NEK9: variants seen among roughly 807,000 people sequenced by gnomAD.
The protein encoded by NEK9 is NIMA related kinase 9, also known as serine/threonine-protein kinase Nek9.
Under a neutral mutation model 123.4 loss-of-function variants are expected in NEK9, and 75 were observed. The observed-to-expected ratio is 0.61, with a 90% CI of 0.50 to 0.74. The LOEUF is 0.74. NEK9 is among the 30% of genes least tolerant of loss of function. The pLI is 0.00. For missense variants in NEK9, 952 were observed against 1,214.4 expected (o/e 0.78, Z 3.21); for synonymous variants, 438 against 458.7 (o/e 0.95, Z 0.58).
At chr14:75,100,306 T>TGTG (rs1894531878) in intron 16 of NEK9, among the ~76,000 whole-genome samples, 1 of 149,940 alleles carries the variant, frequency 6.7e-6, no homozygotes, top group Non-Finnish European at 1.5e-5. Flanking sequence ...ATTAGCCGAG[T>TGTG]ATGGTGGCGC....
At chr14:75,123,921 T>G in intron 2 of NEK9, 125 bp downstream of exon 2, 1 of 837,066 alleles carries the variant, frequency 1.2e-6, no homozygotes, top group East Asian at 2.6e-5. Context: ...AAAGTTTCTC[T>G]TAAACTCTAG....
intron 2 of NEK9, among the ~76,000 whole-genome samples, chr14:75,122,327 A>C (rs1895365618): frequency 1.3e-5 from 2 of 152,252 alleles, no homozygotes; most frequent in South Asian, 4.1e-4. Flanking sequence ...ACAAGAGTTT[A>C]CACAAGGAAG....
rs1009879900 is a variant in NEK9, at chr14:75,103,991, C to T, written c.1582G>A (p.Val528Ile). The T allele has an allele frequency of 6.2e-7, 1 of 1,601,592 alleles. No individual in the cohort carries two copies. The highest frequency in any genetic ancestry group is 8.5e-7 in the Non-Finnish European group (1 of 1,176,800). ...EDYYTPQKVD[V>I]PKALIIVAVQ... The stretch of plus-strand genomic sequence containing the variant: ...GCAACAATAATCAAGGCCTTGGGAA[C>T]ATCCACCTGCAAGAAAAAAATCAGA... Residue 528 changes from valine (V) to isoleucine (I), a missense_variant, in exon 14 of 22, where the codon GTT becomes ATT. Val to Ile is a conservative substitution (Grantham distance 29, BLOSUM62 3). This residue lies in a region of NEK9 where 698 missense variants were observed against 875.6 expected (regional missense o/e 0.80). Transcript: ENST00000238616.
Position 75,091,330 on chromosome 14 carries a change from G to A in NEK9, c.2382C>T (p.Pro794=), listed in dbSNP as rs772972034. 11 of 1,614,008 alleles carry A rather than the reference G, an allele frequency of 6.8e-6. No homozygotes were observed. Among genetic ancestry groups the A allele is most frequent in the Non-Finnish European group, 8.5e-6 (10 of 1,179,968 alleles). The change falls in exon 19 of 22, where the codon CCC becomes CCT. Residue 794 remains proline (P), a synonymous_variant. Coordinates refer to ENST00000238616, the MANE Select transcript of NEK9 (RefSeq NM_033116.6). The part of the protein sequence containing the change: ...ADRGMEGLIS[P]TEAMGNSNGA... ...CATTACTGTTCCCCATGGCCTCTGT[G>A]GGACTGATTAAACCTTCCATTCCTC...
chr14:75,120,903 C>T (rs914702995), intron 3 of NEK9: 2 of 647,954 alleles, frequency 3.1e-6, no homozygotes, highest in Non-Finnish European at 5.6e-6. Flanking sequence ...GGAAAGAAAG[C>T]CCACAGAGAA....
intron 18 of NEK9, 143 bp downstream of exon 18, chr14:75,095,229 A>G: frequency 1.7e-6 from 1 of 578,438 alleles, no homozygotes; most frequent in Non-Finnish European, 3.1e-6. Context: ...ACCAAACAAA[A>G]TATGATCTTC....
intron 21 of NEK9, 102 bp downstream of exon 21, chr14:75,086,916 A>T: frequency 8.2e-7 from 1 of 1,225,888 alleles, no homozygotes; most frequent in Non-Finnish European, 1.2e-6. Context: ...AAAAAAAAGT[A>T]AGGACCTGCA....
At chr14:75,102,383 T>G (rs574420610) in intron 14 of NEK9, among the ~76,000 whole-genome samples, 156 of 152,336 alleles carry the variant, frequency 1.0e-3, no homozygotes, top group African/African-American at 3.5e-3. Flanking sequence ...AGTCTTGCTT[T>G]GTCGCCCAGG....
intron 19 of NEK9, 57 bp downstream of exon 19, chr14:75,091,213 C>T (rs965168866): frequency 6.9e-7 from 1 of 1,441,928 alleles, no homozygotes; most frequent in South Asian, 1.3e-5. Context: ...ACAGCTCTTT[C>T]TAGTTCCTGC....
In NEK9 at chr14:75,084,422, C is replaced by T; in HGVS notation, c.*142G>A. The stretch of plus-strand genomic sequence containing the variant: ...AAGGCAATGCCACTCTCCAAATGTA[C>T]AAGGAAAGTGCTTCAGAGCCTCTGC... On this transcript the variant is annotated 3_prime_UTR_variant, in exon 22 of 22. Transcript: ENST00000238616. 5.3e-6 allele frequency: 5 copies of T among 937,766 alleles called. No individual in the cohort carries two copies. In the South Asian group the frequency reaches 7.8e-5, roughly 15 times the overall value. 58.1% of individuals were successfully genotyped at this position (937,766 alleles called of 1,614,324 possible).
At position 75,084,616 on chromosome 14, in the gene NEK9, T is replaced by C. The variant is rs776834437; in HGVS notation, c.2888A>G (p.Asp963Gly). 1 of 1,614,068 alleles carries C rather than the reference T, an allele frequency of 6.2e-7. No individual in the cohort carries two copies. Among genetic ancestry groups the C allele is most frequent in the Non-Finnish European group, 8.5e-7 (1 of 1,180,034 alleles). Residue 963 changes from aspartate (D) to glycine (G), a missense_variant, in exon 22 of 22, where the codon GAT becomes GGT. This residue lies in a region of NEK9 where 698 missense variants were observed against 875.6 expected (regional missense o/e 0.80). Transcript: ENST00000238616. The part of the protein sequence containing the change: ...EMEMDPKPDL[D>G]SDSWCLLGTD... ...TCCCAGGAGGCACCAGGAATCTGAA[T>C]CTAAGTCAGGCTTTGGATCCATTTC... is the stretch of plus-strand genomic sequence containing the variant.
In NEK9 at chr14:75,107,452, C is replaced by T; in HGVS notation, c.1218G>A (p.Leu406=). The T allele has an allele frequency of 6.2e-7, 1 of 1,613,232 alleles. No individual in the cohort carries two copies. Residue 406 remains leucine, a synonymous_variant, in exon 11 of 22, where the codon CTG becomes CTA. Coordinates refer to ENST00000238616, the MANE Select transcript of NEK9 (RefSeq NM_033116.6). ...MQGGTKLHGQ[L]GHGDKASYRQ... is the part of the protein sequence containing the mutation. ...GATAGGAGGCTTTGTCTCCATGGCCCAGCTGACCATGGAGTTTAGTGCCTC... is the reference window on the plus strand; with the variant it reads ...GATAGGAGGCTTTGTCTCCATGGCCTAGCTGACCATGGAGTTTAGTGCCTC...
rs1185037320 is a variant in NEK9, at chr14:75,126,901, G to A, written c.21C>T (p.Tyr7=). 1 of 1,513,862 alleles carries A rather than the reference G, an allele frequency of 6.6e-7. No individual in the cohort carries two copies. The highest frequency in any genetic ancestry group is 1.2e-5 in the South Asian group (1 of 80,770). The allele number at this position is 1,513,862 out of a possible 1,614,324, so 93.8% of individuals were successfully genotyped here. Residue 7 remains tyrosine (Y), a synonymous_variant, in exon 1 of 22, where the codon TAC becomes TAT. Coordinates refer to ENST00000238616, the MANE Select transcript of NEK9 (RefSeq NM_033116.6). Reference sequence around the variant, plus strand: ...AGTTGATGGAATCGCAGTGTCGCTCGTACTCGCCCAGCACCGACATGGCGG... The same window carrying A: ...AGTTGATGGAATCGCAGTGTCGCTCATACTCGCCCAGCACCGACATGGCGG... MSVLGE[Y]ERHCDSINSD...
At chr14:75,127,152 C>T (rs1895571305), upstream of NEK9, 1 of 468,768 alleles carries the variant, frequency 2.1e-6, no homozygotes, top group South Asian at 3.4e-5. Context: ...CCAAGGCTTC[C>T]CGCTTTCGGG....
intron 1 of NEK9, among the ~76,000 whole-genome samples, chr14:75,126,134 A>G (rs1270311792): frequency 1.3e-5 from 2 of 152,208 alleles, no homozygotes; most frequent in Non-Finnish European, 2.9e-5. Flanking sequence ...TGCAAGATAA[A>G]CACTGATAAA....
rs78265092 is a variant in NEK9, at chr14:75,083,517, C to T, written c.*1047G>A. Reference sequence around the variant, plus strand: ...GTAGGAAAAATGATACAGATTCATTCGTTACCACATGGCTTCATAAAACAC... The same window carrying T: ...GTAGGAAAAATGATACAGATTCATTTGTTACCACATGGCTTCATAAAACAC... On this transcript the variant is annotated 3_prime_UTR_variant, in exon 22 of 22. Transcript: ENST00000238616. 7.0e-5 allele frequency: 11 copies of T among 157,496 alleles called. No homozygotes were observed. Among genetic ancestry groups the T allele is most frequent in the African/African-American group, 9.6e-5 (4 of 41,760 alleles). 9.8% of individuals were successfully genotyped at this position (157,496 alleles called of 1,614,324 possible). A position where few individuals can be genotyped will look rare whatever the true frequency, so the allele number is the denominator to read the frequency against.
Position 75,106,517 on chromosome 14 carries a change from C to T in NEK9, c.1513G>A (p.Gly505Ser), listed in dbSNP as rs149201547. Residue 505 changes from glycine (G) to serine (S), a missense_variant, in exon 12 of 22, where the codon GGC (glycine) becomes AGC (serine). By Grantham distance (56) the Gly-to-Ser change is moderately conservative (BLOSUM62 0). Transcript: ENST00000238616. ...LTRNKEVYSW[G>S]CGEYGRLGLD... is the part of the protein sequence containing the mutation. ...CTACCCCTACCATATTCGCCACAGC[C>T]CCAAGAATAGACTTCCTTGTTTCGT... 2.4e-5 allele frequency: 39 copies of T among 1,613,846 alleles called. No individual in the cohort carries two copies. Among genetic ancestry groups the T allele is most frequent in the Admixed American group, 1.7e-4 (10 of 59,972 alleles).
intron 18 of NEK9, among the ~76,000 whole-genome samples, chr14:75,094,339 G>T (rs1363296449): frequency 6.6e-6 from 1 of 152,154 alleles, no homozygotes; most frequent in East Asian, 1.9e-4. Context: ...GATTGCAGTG[G>T]CTATTCATAG....
chr14:75,121,636 T>C, intron 2 of NEK9, among the ~76,000 whole-genome samples: 1 of 152,030 alleles, frequency 6.6e-6, no homozygotes, highest in Non-Finnish European at 1.5e-5. Flanking sequence ...ATCATTTGGG[T>C]TTGGGAATTT....
Sources: allele counts gnomAD v4.1 joint callset (sites outside exome capture counted in the v4.1 genomes callset), GRCh38; gene constraint gnomAD v4.1.1; regional missense constraint gnomAD v4.1.1; transcripts MANE v1.5; gene names NCBI Gene and HGNC (gene_info 2026-07-23, HGNC 2026-07-21).